The following PKD2 variants were observed in gnomAD, a reference collection of about 807,000 sequenced individuals.
PKD2 encodes the protein polycystin-2.
Under a neutral mutation model 105.9 loss-of-function variants are expected in PKD2, and 48 were observed. The ratio of observed to expected loss-of-function variants is 0.45; its 90% CI spans 0.36 to 0.58. PKD2 has a LOEUF of 0.58. PKD2 is among the 20% of genes least tolerant of loss of function. The pLI is 0.00. For synonymous variants in PKD2, 464 were observed against 481.1 expected, an observed-to-expected ratio of 0.96 and a Z score of 0.46; for missense variants, 1,078 against 1,255.3, an observed-to-expected ratio of 0.86 and a Z score of 2.13.
At position 88,065,505 on chromosome 4, in the gene PKD2, AT is replaced by A; in HGVS notation, c.2240+11del. 2 of 1,613,456 alleles carry A rather than the reference AT, an allele frequency of 1.2e-6. No individual in the cohort carries two copies. The highest frequency in any genetic ancestry group is 1.7e-6 in the Non-Finnish European group (2 of 1,179,438). On this transcript the variant is annotated intron_variant, in intron 11 of 14. Transcript: ENST00000237596. The stretch of plus-strand genomic sequence containing the variant: ...GACAAGATCTCAAAGGGTGAGAATC[AT>A]GCTTCCTGAGGTTCTGAAAAATTCC...
At chr4:88,067,804 G>T (rs147905401) in intron 12 of PKD2, 94 bp from the exon 13 acceptor site, 74 of 1,004,638 alleles carry the variant, frequency 7.4e-5, no homozygotes, top group Non-Finnish European at 1.1e-4. Flanking sequence ...CAGGTAAATG[G>T]CATGCACCCA....
At chr4:88,023,346 A>G (rs185625051) in intron 2 of PKD2, among the ~76,000 whole-genome samples, 2 of 152,278 alleles carry the variant, frequency 1.3e-5, no homozygotes, top group Non-Finnish European at 2.9e-5. Context: ...ACCAGATCGC[A>G]TGAGAAATCA....
chr4:88,041,520 G>A (rs1365846741), intron 4 of PKD2, among the ~76,000 whole-genome samples: 1 of 152,150 alleles, frequency 6.6e-6, no homozygotes, highest in Admixed American at 6.5e-5. Flanking sequence ...AGGCTTCCAG[G>A]AGCCCTCTCC....
At position 88,071,559 on chromosome 4, in the gene PKD2, G is replaced by A. The variant is rs10007226; in HGVS notation, c.2523-3253G>A. On this transcript the variant is annotated intron_variant, in intron 13 of 14. Coordinates refer to ENST00000237596, the MANE Select transcript of PKD2 (RefSeq NM_000297.4). ...TTTTTGTTTTGTTTTTTGTTGTTTTGTTTTGTTGTTGTTGTTGTTGTTAAA... is the reference window on the plus strand; with the variant it reads ...TTTTTGTTTTGTTTTTTGTTGTTTTATTTTGTTGTTGTTGTTGTTGTTAAA... 7.1e-3 allele frequency among the ~76,000 whole-genome samples: 1,072 copies of A among 150,172 alleles called. 6 individuals carry two copies. The highest frequency in any genetic ancestry group is 0.025 in the African/African-American group (1,030 of 40,808).
chr4:88,070,595 TATATATAGAGAG>T (rs1236008044), intron 13 of PKD2, among the ~76,000 whole-genome samples: 5,163 of 97,658 alleles, frequency 0.053, 123 homozygotes, highest in Non-Finnish European at 0.073. Flanking sequence ...TATATATATA[TATATATAGAGAG>T]AGAGAGAGAG....
intron 2 of PKD2, among the ~76,000 whole-genome samples, chr4:88,033,675 A>C (rs1002348806): frequency 3.9e-5 from 6 of 152,226 alleles, no homozygotes; most frequent in African/African-American, 1.4e-4. Flanking sequence ...CATATTTGTA[A>C]ATAAAAATAT....
In PKD2 at chr4:88,076,937, A is replaced by C. The variant is rs1721257255; in HGVS notation, c.*1243A>C. ...TAATAAAAAAGAGGTTTTGGTATTA[A>C]AAGTTCATACATTAGACAGTATCAG... On this transcript the variant is annotated 3_prime_UTR_variant, in exon 15 of 15. Coordinates refer to ENST00000237596, the MANE Select transcript of PKD2 (RefSeq NM_000297.4). 1 of 152,228 alleles carries C rather than the reference A, an allele frequency of 6.6e-6. No homozygotes were observed. The highest frequency in any genetic ancestry group is 1.5e-5 in the Non-Finnish European group (1 of 68,038). The allele number at this position is 152,228 out of a possible 1,614,324, so 9.4% of individuals were successfully genotyped here.
chr4:88,024,977 A>G (rs1261403886), intron 2 of PKD2, among the ~76,000 whole-genome samples: 1 of 152,110 alleles, frequency 6.6e-6, no homozygotes, highest in Non-Finnish European at 1.5e-5. Flanking sequence ...TACTAAAAAT[A>G]CAAAAACTAG....
chr4:88,013,056 T>C (rs1726441090), intron 1 of PKD2, among the ~76,000 whole-genome samples: 1 of 152,216 alleles, frequency 6.6e-6, no homozygotes, highest in Non-Finnish European at 1.5e-5. Flanking sequence ...GCGGTTTTTT[T>C]CCACCTTTCG....
intron 2 of PKD2, among the ~76,000 whole-genome samples, chr4:88,022,320 C>T (rs1726782227): frequency 6.6e-6 from 1 of 152,244 alleles, no homozygotes; most frequent in Non-Finnish European, 1.5e-5. Context: ...GTTATTATCT[C>T]TATCCATATC....
At chr4:88,047,384 C>G (rs1222081656) in intron 6 of PKD2, among the ~76,000 whole-genome samples, 1 of 151,092 alleles carries the variant, frequency 6.6e-6, no homozygotes, top group Non-Finnish European at 1.5e-5. Context: ...TAGTGAGACC[C>G]TGTCTTTACA....
rs766812508 is a variant in PKD2, at chr4:88,061,933, A to G, written c.2047A>G (p.Thr683Ala). Residue 683 changes from threonine to alanine, a missense_variant, in exon 10 of 15, where the codon ACT (threonine) becomes GCT (alanine). Physicochemically the swap from Thr to Ala is moderately conservative, Grantham distance 58 (BLOSUM62 0). This residue lies in a region of PKD2 where 868 missense variants were observed against 1,067.3 expected (regional missense o/e 0.81). Transcript: ENST00000237596. ...TATGTTTTTGGCTATCATCAATGAT[A>G]CTTACTCTGAAGTGAAATCTGACTT... ...LNMFLAIIND[T>A]YSEVKSDLAQ... 4.5e-6 allele frequency: 7 copies of G among 1,568,956 alleles called. No homozygotes were observed. The South Asian group carries it at 5.5e-5, about 12-fold the overall frequency.
At chr4:88,075,408 AG>A (rs1359089745) in intron 14 of PKD2, 49 bp from the exon 15 acceptor site, 1 of 1,304,884 alleles carries the variant, frequency 7.7e-7, no homozygotes, top group Admixed American at 1.7e-5. Context: ...GGACTTCCTA[AG>A]GCATTTCCTT....
At chr4:88,051,412 T>G (rs1720089496) in intron 6 of PKD2, among the ~76,000 whole-genome samples, 1 of 152,226 alleles carries the variant, frequency 6.6e-6, no homozygotes, top group African/African-American at 2.4e-5. Flanking sequence ...TATCTGCTCT[T>G]GAGTCTCGAG....
chr4:88,017,522 G>T (rs990874894), intron 1 of PKD2, among the ~76,000 whole-genome samples: 2 of 152,110 alleles, frequency 1.3e-5, no homozygotes, highest in Admixed American at 6.5e-5. Flanking sequence ...CGATTCTTCT[G>T]CCTCAGCCTC....
At chr4:88,046,512 T>A in intron 5 of PKD2, 130 bp from the exon 6 acceptor site, 1 of 715,202 alleles carries the variant, frequency 1.4e-6, no homozygotes, top group Non-Finnish European at 2.6e-6. Context: ...GTTTTGCCGC[T>A]AGTTTGGGGG....
chr4:88,045,349 A>G lies in PKD2; in HGVS notation c.1320-1293A>G, dbSNP rs1226560134. Among the ~76,000 whole-genome samples the G allele has an allele frequency of 2.6e-5, 4 of 152,196 alleles. 1 individual carries two copies. Among genetic ancestry groups the G allele is most frequent in the Admixed American group, 2.0e-4 (3 of 15,274 alleles). ...CTCACCCCTACTCTCTAACACATCA[A>G]ATAGGAAAGAAAGAACAGGAGAACT... On this transcript the variant is annotated intron_variant, in intron 5 of 14. Coordinates refer to ENST00000237596, the MANE Select transcript of PKD2 (RefSeq NM_000297.4).
At chr4:88,041,620 C>T (rs1727567458) in intron 4 of PKD2, among the ~76,000 whole-genome samples, 1 of 152,198 alleles carries the variant, frequency 6.6e-6, no homozygotes. Flanking sequence ...TAATTAGAGA[C>T]TCAGTGCCTG....
At chr4:88,073,605 A>C (rs905157287) in intron 13 of PKD2, among the ~76,000 whole-genome samples, 1 of 151,780 alleles carries the variant, frequency 6.6e-6, no homozygotes, top group African/African-American at 2.4e-5. Context: ...GTAGCCCTAG[A>C]CTGGAAGTTG....
Sources: gnomAD v4.1 joint callset for allele counts (sites outside exome capture counted in the v4.1 genomes callset) on GRCh38, gnomAD v4.1.1 for gene constraint, gnomAD v4.1.1 regional missense constraint, MANE v1.5 for transcripts, NCBI Gene and HGNC (gene_info 2026-07-23, HGNC 2026-07-21) for gene names.